G2E3: variants seen among roughly 807,000 people sequenced by gnomAD.
The protein encoded by G2E3 is G2/M-phase specific E3 ubiquitin protein ligase.
In G2E3, 35 loss-of-function variants were observed where a neutral mutation model predicts 92.8. The ratio of observed to expected loss-of-function variants is 0.38; its 90% CI spans 0.29 to 0.50. The LOEUF (loss-of-function observed/expected upper bound fraction) is 0.50, where lower values mean the gene tolerates loss of function less well. Ranked by LOEUF, G2E3 falls within the 20% of genes least tolerant of loss-of-function variation. The pLI is 0.94. For missense variants in G2E3, 554 were observed against 823.8 expected, an observed-to-expected ratio of 0.67 and a Z score of 4.01; for synonymous variants, 242 against 272.4, an observed-to-expected ratio of 0.89 and a Z score of 1.10.
At chr14:30,606,537 A>C (rs1216386077) in intron 11 of G2E3, among the ~76,000 whole-genome samples, 1 of 152,138 alleles carries the variant, frequency 6.6e-6, no homozygotes, top group Non-Finnish European at 1.5e-5. Flanking sequence ...AAATGTAAAA[A>C]TAAAGAAAAA....
At chr14:30,585,081 G>A (rs561917698) in intron 2 of G2E3, among the ~76,000 whole-genome samples, 5 of 152,056 alleles carry the variant, frequency 3.3e-5, no homozygotes, top group Admixed American at 6.6e-5. Context: ...TGATCTGCCC[G>A]CCTGGGCCTC....
intron 12 of G2E3, among the ~76,000 whole-genome samples, chr14:30,610,387 G>A (rs780464187): frequency 1.7e-4 from 26 of 152,154 alleles, no homozygotes; most frequent in Non-Finnish European, 3.7e-4. Flanking sequence ...AGAACAGGTG[G>A]GTGGATCACC....
intron 1 of G2E3, among the ~76,000 whole-genome samples, chr14:30,562,859 T>G (rs1879193908): frequency 6.6e-6 from 1 of 152,230 alleles, no homozygotes; most frequent in South Asian, 2.1e-4. Flanking sequence ...TGTCTCTCTC[T>G]CTGCCTCGGC....
In G2E3 at chr14:30,593,612, C is replaced by A; in HGVS notation, c.501C>A (p.Asn167Lys). The A allele has an allele frequency of 6.2e-7, 1 of 1,607,874 alleles. No homozygotes were observed. The stretch of plus-strand genomic sequence containing the variant: ...TATTACGAAGTCCTTGTTGTAAGAA[C>A]GCTTGGTTTCATAGAGACTGTTTAC... ...YNILRSPCCK[N>K]AWFHRDCLQV... Residue 167 changes from asparagine to lysine, a missense_variant, in exon 6 of 15, where the codon AAC becomes AAA. By Grantham distance (94) the Asn-to-Lys change is moderately conservative (BLOSUM62 0). Around this residue, in one of 3 missense-constraint regions of G2E3, gnomAD observed 137 missense variants for 201.3 expected, o/e 0.68. Coordinates refer to ENST00000206595, the MANE Select transcript of G2E3 (RefSeq NM_017769.5).
chr14:30,570,543 C>T (rs1879697512), intron 1 of G2E3, among the ~76,000 whole-genome samples: 3 of 152,006 alleles, frequency 2.0e-5, no homozygotes, highest in Non-Finnish European at 4.4e-5. Flanking sequence ...TCTTTCTGCT[C>T]TTCAGACTGG....
At chr14:30,613,897 A>G (rs914180749) in intron 13 of G2E3, among the ~76,000 whole-genome samples, 15 of 152,092 alleles carry the variant, frequency 9.9e-5, no homozygotes, top group African/African-American at 3.6e-4. Flanking sequence ...TTCATAACCA[A>G]TAGTCTCAGA....
intron 1 of G2E3, among the ~76,000 whole-genome samples, chr14:30,580,456 T>A (rs1039673110): frequency 1.3e-5 from 2 of 152,164 alleles, no homozygotes; most frequent in African/African-American, 4.8e-5. Flanking sequence ...TCCACCTGCC[T>A]CAGCCTCCCA....
intron 1 of G2E3, among the ~76,000 whole-genome samples, chr14:30,564,576 C>T (rs369883009): frequency 3.3e-5 from 5 of 152,192 alleles, no homozygotes; most frequent in South Asian, 2.1e-4. Context: ...TCAAGCGATC[C>T]TTCCACCTCA....
chr14:30,611,028 C>T lies in G2E3; in HGVS notation c.1501-1179C>T, dbSNP rs886914304. ...GAGATAGAGTTGTGATTTACAAAAC[C>T]GTCTAAGGACTTGAGTTCCTTCCTC... On this transcript the variant is annotated intron_variant, in intron 12 of 14. Transcript: ENST00000206595. Among the ~76,000 whole-genome samples the T allele has an allele frequency of 3.0e-4, 46 of 152,228 alleles. 1 individual carries two copies. Among genetic ancestry groups the T allele is most frequent in the Admixed American group, 2.9e-3 (44 of 15,288 alleles).
At chr14:30,596,727 A>G (rs1237610503) in intron 6 of G2E3, among the ~76,000 whole-genome samples, 1 of 152,240 alleles carries the variant, frequency 6.6e-6, no homozygotes, top group Non-Finnish European at 1.5e-5. Context: ...ACTCACTAGA[A>G]TTCCTTGAAG....
At chr14:30,585,649 C>CTTT (rs76296662) in intron 2 of G2E3, among the ~76,000 whole-genome samples, 1 of 144,836 alleles carries the variant, frequency 6.9e-6, no homozygotes, top group Non-Finnish European at 1.5e-5. Context: ...AAAGAACCAA[C>CTTT]TTTTTTTTTT....
intron 10 of G2E3, among the ~76,000 whole-genome samples, chr14:30,603,198 C>T (rs551712427): frequency 2.0e-5 from 3 of 151,986 alleles, no homozygotes; most frequent in African/African-American, 4.8e-5. Flanking sequence ...TAGTGTTGTG[C>T]ATCTGTAGTC....
chr14:30,610,655 AAGG>A (rs1224977169), intron 12 of G2E3, among the ~76,000 whole-genome samples: 6 of 152,156 alleles, frequency 3.9e-5, no homozygotes, highest in Non-Finnish European at 8.8e-5. Context: ...AACAGAATAA[AAGG>A]AGATGGATAA....
chr14:30,612,227 A>G lies in G2E3; in HGVS notation c.1521A>G (p.Val507=). The G allele has an allele frequency of 6.2e-7, 1 of 1,610,838 alleles. No individual in the cohort carries two copies. Among genetic ancestry groups the G allele is most frequent in the Non-Finnish European group, 8.5e-7 (1 of 1,177,642 alleles). The change falls in exon 13 of 15, where the codon GTA becomes GTG. Residue 507 remains valine, a synonymous_variant. Transcript: ENST00000206595. The part of the protein sequence containing the change: ...IIIRINTATT[V]ADLKSIINEC... ...TACAGATAAATACTGCAACAACTGTAGCTGACTTAAAGTCAATAATAAATG... is the reference window on the plus strand; with the variant it reads ...TACAGATAAATACTGCAACAACTGTGGCTGACTTAAAGTCAATAATAAATG...
rs532416326 is a variant in G2E3 at position 30,598,629 on chromosome 14, G to A, written c.752+30G>A. ...TTCTGAAAGTTCAGTTGTGCTTAGTGGTTCCTTGTTTAAACCTTCTGCTGA... is the reference window on the plus strand; with the variant it reads ...TTCTGAAAGTTCAGTTGTGCTTAGTAGTTCCTTGTTTAAACCTTCTGCTGA... On this transcript the variant is annotated intron_variant, in intron 8 of 14. Coordinates refer to ENST00000206595, the MANE Select transcript of G2E3 (RefSeq NM_017769.5). 2.6e-5 allele frequency: 35 copies of A among 1,344,314 alleles called. No homozygotes were observed. The South Asian group carries it at 3.9e-4, about 15-fold the overall frequency. The allele number at this position is 1,344,314 out of a possible 1,614,324, so 83.3% of individuals were successfully genotyped here. A position where few individuals can be genotyped will look rare whatever the true frequency, so the allele number is the denominator to read the frequency against.
At chr14:30,597,074 A>G (rs1486807238) in intron 6 of G2E3, among the ~76,000 whole-genome samples, 1 of 152,244 alleles carries the variant, frequency 6.6e-6, no homozygotes, top group Non-Finnish European at 1.5e-5. Flanking sequence ...CCATTTCTAG[A>G]TGAGGTAACT....
intron 1 of G2E3, among the ~76,000 whole-genome samples, chr14:30,566,299 G>T (rs1168819019): frequency 1.3e-5 from 2 of 152,188 alleles, no homozygotes; most frequent in African/African-American, 4.8e-5. Flanking sequence ...TCGGGATTTT[G>T]ACAGGAATTG....
At chr14:30,564,572 G>A (rs891187760) in intron 1 of G2E3, among the ~76,000 whole-genome samples, 4 of 151,980 alleles carry the variant, frequency 2.6e-5, no homozygotes, top group Non-Finnish European at 4.4e-5. Flanking sequence ...AGCCTCAAGC[G>A]ATCCTTCCAC....
chr14:30,566,959 C>T (rs1313438811), intron 1 of G2E3, among the ~76,000 whole-genome samples: 1 of 152,008 alleles, frequency 6.6e-6, no homozygotes, highest in Admixed American at 6.6e-5. Flanking sequence ...TTTCCTTTTT[C>T]TCTATTAGTA....
Sources: gnomAD v4.1 joint callset for allele counts (sites outside exome capture counted in the v4.1 genomes callset) on GRCh38, gnomAD v4.1.1 for gene constraint, gnomAD v4.1.1 regional missense constraint, MANE v1.5 for transcripts, NCBI Gene and HGNC (gene_info 2026-07-23, HGNC 2026-07-21) for gene names.